Variants in SIPA1L3 observed in about 807,000 individuals in gnomAD.
SIPA1L3 encodes signal-induced proliferation-associated 1-like protein 3.
SIPA1L3 carries 59 observed loss-of-function variants against 150.1 expected under a neutral mutation model. The ratio of observed to expected loss-of-function variants is 0.39; its 90% CI spans 0.32 to 0.49. The LOEUF is 0.49. Ranked by LOEUF, SIPA1L3 falls within the 20% of genes least tolerant of loss-of-function variation. SIPA1L3 has a pLI of 0.86. For missense variants in SIPA1L3, 2,211 were observed against 2,489.5 expected (o/e 0.89, Z 2.38); for synonymous variants, 1,070 against 1,077.6 (o/e 0.99, Z 0.14).
chr19:38,183,771 G>A (rs1197319622), intron 16 of SIPA1L3, among the ~76,000 whole-genome samples: 1 of 151,038 alleles, frequency 6.6e-6, no homozygotes, highest in African/African-American at 2.5e-5. Flanking sequence ...GAGCCAAAGT[G>A]AGAAGCCGGG....
chr19:38,112,097 C>CTACATGCACACACA (rs1299458092), intron 8 of SIPA1L3, among the ~76,000 whole-genome samples: 3 of 147,818 alleles, frequency 2.0e-5, no homozygotes, highest in Non-Finnish European at 4.5e-5. Context: ...ATGCACACAC[C>CTACATGCACACACA]TACATGCACA....
At chr19:38,019,727 G>T (rs1968326237) in intron 1 of SIPA1L3, among the ~76,000 whole-genome samples, 1 of 152,118 alleles carries the variant, frequency 6.6e-6, no homozygotes, top group Non-Finnish European at 1.5e-5. Flanking sequence ...TGACCAGAGG[G>T]TGGGATTTTG....
At chr19:38,193,457 C>T in intron 17 of SIPA1L3, 80 bp from the exon 18 acceptor site, 1 of 1,382,968 alleles carries the variant, frequency 7.2e-7, no homozygotes, top group Non-Finnish European at 9.3e-7. Context: ...CACCAATGTC[C>T]TAGAGGGGAA....
At chr19:38,183,696 G>A (rs1972612193) in intron 16 of SIPA1L3, among the ~76,000 whole-genome samples, 1 of 152,202 alleles carries the variant, frequency 6.6e-6, no homozygotes, top group African/African-American at 2.4e-5. Context: ...GAGGCTGGAA[G>A]AGCCCCTAAG....
chr19:38,125,563 C>G (rs1441120255), intron 9 of SIPA1L3, among the ~76,000 whole-genome samples: 1 of 152,100 alleles, frequency 6.6e-6, no homozygotes, highest in Non-Finnish European at 1.5e-5. Context: ...TCTCAGTGCC[C>G]CAGAGCCTGC....
intron 1 of SIPA1L3, among the ~76,000 whole-genome samples, chr19:37,941,008 C>T (rs191144063): frequency 2.0e-4 from 30 of 151,738 alleles, no homozygotes; most frequent in African/African-American, 7.0e-4. Flanking sequence ...ATTCTTCTAT[C>T]TCTGTGTTTC....
At position 38,119,365 on chromosome 19, in the gene SIPA1L3, C is replaced by T; in HGVS notation, c.2351C>T (p.Thr784Ile). Residue 784 changes from threonine to isoleucine, a missense_variant, in exon 9 of 22, where the codon ACC becomes ATC. Thr to Ile is a moderately conservative substitution (Grantham distance 89, BLOSUM62 -1). This residue lies in a region of SIPA1L3 where 625 missense variants were observed against 804.2 expected (regional missense o/e 0.78). Transcript: ENST00000222345. ...PPFGPPIPSGTTFRKSDVFRD... is the reference protein window; with the variant it reads ...PPFGPPIPSGITFRKSDVFRD... ...TTCGGCCCCCCCATCCCCAGTGGAA[C>T]CACATTCCGCAAATCCGACGTCTTC... The T allele has an allele frequency of 6.2e-7, 1 of 1,614,216 alleles. No homozygotes were observed. The highest frequency in any genetic ancestry group is 1.3e-5 in the African/African-American group (1 of 75,052).
At chr19:37,958,193 G>T (rs2046827593) in intron 1 of SIPA1L3, among the ~76,000 whole-genome samples, 1 of 152,128 alleles carries the variant, frequency 6.6e-6, no homozygotes, top group African/African-American at 2.4e-5. Flanking sequence ...CAGCCCTTTG[G>T]GAGGCCAGGG....
intron 1 of SIPA1L3, among the ~76,000 whole-genome samples, chr19:38,011,260 A>C (rs890093758): frequency 1.3e-5 from 2 of 152,232 alleles, no homozygotes; most frequent in Non-Finnish European, 2.9e-5. Flanking sequence ...GGATCGCTTG[A>C]GCCCAGGAGT....
intron 5 of SIPA1L3, 51 bp downstream of exon 5, chr19:38,100,201 C>G: frequency 7.4e-7 from 1 of 1,357,060 alleles, no homozygotes; most frequent in Non-Finnish European, 9.8e-7. Flanking sequence ...ACCTTGCAAC[C>G]CCACTCCTGG....
In SIPA1L3 at chr19:38,162,325, C is replaced by T; in HGVS notation, c.3734C>T (p.Ser1245Phe). ...IAGSSGNKHP[S>F]RQDAAGKDSP... The stretch of plus-strand genomic sequence containing the variant: ...GGAAGCAGCGGGAACAAGCACCCGT[C>T]CAGGCAGGATGCAGCAGGCAAAGAT... The change falls in exon 14 of 22, where the codon TCC becomes TTC. Residue 1245 changes from serine (S) to phenylalanine (F), a missense_variant. This residue lies in a region of SIPA1L3 where 806 missense variants were observed against 870.1 expected (regional missense o/e 0.93). Coordinates refer to ENST00000222345, the MANE Select transcript of SIPA1L3 (RefSeq NM_015073.3). 1.2e-6 allele frequency: 2 copies of T among 1,614,228 alleles called. No individual in the cohort carries two copies. The highest frequency in any genetic ancestry group is 1.7e-6 in the Non-Finnish European group (2 of 1,180,028).
chr19:37,917,927 G>A (rs61126060), intron 1 of SIPA1L3, among the ~76,000 whole-genome samples: 1 of 151,908 alleles, frequency 6.6e-6, no homozygotes, highest in Admixed American at 6.6e-5. Context: ...ATTGCTTTAG[G>A]CCAGGAGGTC....
At chr19:38,007,874 T>G (rs1967994392) in intron 1 of SIPA1L3, among the ~76,000 whole-genome samples, 2 of 152,130 alleles carry the variant, frequency 1.3e-5, no homozygotes, top group South Asian at 4.1e-4. Context: ...GTCTTCTGCT[T>G]TATTTTTCTT....
intron 2 of SIPA1L3, among the ~76,000 whole-genome samples, chr19:38,029,521 C>G (rs538331968): frequency 6.6e-6 from 1 of 152,314 alleles, no homozygotes; most frequent in South Asian, 2.1e-4. Flanking sequence ...TCATACATTT[C>G]ATATACTTTT....
At chr19:37,987,584 A>G (rs1322539599) in intron 1 of SIPA1L3, among the ~76,000 whole-genome samples, 1 of 152,180 alleles carries the variant, frequency 6.6e-6, no homozygotes, top group African/African-American at 2.4e-5. Context: ...GTGTCTCCAA[A>G]TGTCCCCTGG....
Position 38,008,217 on chromosome 19 carries a change from C to CTTTTTTTT in SIPA1L3, c.-378-20851_-378-20844dup, listed in dbSNP as rs35422339. Reference sequence around the variant, plus strand: ...AGAGGTGAGAAATCACCATAGGCTGCTTTTTTTTTTTTTTTTTTTTTTTTT... The same window carrying CTTTTTTTT: ...AGAGGTGAGAAATCACCATAGGCTGCTTTTTTTTTTTTTTTTTTTTTTTTTTTTTTTTT... On this transcript the variant is annotated intron_variant, in intron 1 of 21. Transcript: ENST00000222345. 1.6e-4 allele frequency among the ~76,000 whole-genome samples: 8 copies of CTTTTTTTT among 50,126 alleles called. 2 individuals are homozygous for CTTTTTTTT. The South Asian group carries it at 3.1e-3, about 19-fold the overall frequency. 32.9% of individuals were successfully genotyped at this position (50,126 alleles called of 152,430 possible).
intron 2 of SIPA1L3, among the ~76,000 whole-genome samples, chr19:38,050,985 G>A (rs1969184150): frequency 1.3e-5 from 2 of 152,254 alleles, no homozygotes; most frequent in South Asian, 2.1e-4. Context: ...CTTGAACCTG[G>A]GAGGCGGAGG....
intron 10 of SIPA1L3, among the ~76,000 whole-genome samples, chr19:38,131,308 A>T (rs1166822251): frequency 6.6e-6 from 1 of 152,182 alleles, no homozygotes; most frequent in Non-Finnish European, 1.5e-5. Flanking sequence ...ACGATGGGAG[A>T]GCTGCTTACA....
chr19:38,093,854 G>A (rs1970318200), intron 4 of SIPA1L3, among the ~76,000 whole-genome samples: 1 of 152,224 alleles, frequency 6.6e-6, no homozygotes, highest in African/African-American at 2.4e-5. Flanking sequence ...GGCACTGCTT[G>A]TCCAAACCCC....
Sources: allele counts gnomAD v4.1 joint callset (sites outside exome capture counted in the v4.1 genomes callset), GRCh38; gene constraint gnomAD v4.1.1; regional missense constraint gnomAD v4.1.1; transcripts MANE v1.5; gene names NCBI Gene and HGNC (gene_info 2026-07-23, HGNC 2026-07-21).